OMA1: variants seen among roughly 807,000 people sequenced by gnomAD.
OMA1 encodes the protein OMA1 zinc metallopeptidase, also known as metalloendopeptidase OMA1, mitochondrial.
OMA1 carries 38 observed loss-of-function variants against 30.9 expected under a neutral mutation model. The observed-to-expected ratio is 1.23, with a 90% confidence interval of 0.95 to 1.61. The LOEUF is 1.61. Ranked by LOEUF, OMA1 falls within the 40% of genes most tolerant of loss-of-function variation. The pLI, the probability that OMA1 is intolerant of heterozygous loss-of-function variation, is 0.00. For missense variants in OMA1, 461 were observed against 349.2 expected, an observed-to-expected ratio of 1.32 and a Z score of -2.55; for synonymous variants, 173 against 121.9, an observed-to-expected ratio of 1.42 and a Z score of -2.76.
Position 58,538,786 on chromosome 1 carries a change from G to T in OMA1, c.500+9C>A. ...ATATAAAAGTTTTTATTCTAAAAAAGCATTTTACCTGCCTACAATGATTGC... is the reference window on the plus strand; with the variant it reads ...ATATAAAAGTTTTTATTCTAAAAAATCATTTTACCTGCCTACAATGATTGC... On this transcript the variant is annotated intron_variant, in intron 2 of 8. Coordinates refer to ENST00000371226, the MANE Select transcript of OMA1 (RefSeq NM_145243.5). 4.0e-6 allele frequency: 3 copies of T among 752,140 alleles called. No homozygotes were observed. The Middle Eastern group carries it at 7.3e-4, about 182-fold the overall frequency. 46.6% of individuals were successfully genotyped at this position (752,140 alleles called of 1,614,324 possible). A position where few individuals can be genotyped will look rare whatever the true frequency, so the allele number is the denominator to read the frequency against.
At position 58,512,934 on chromosome 1, in the gene OMA1, C is replaced by T. The variant is rs146323986; in HGVS notation, c.1216-6725G>A. On this transcript the variant is annotated intron_variant, in intron 7 of 8. Transcript: ENST00000371226. ...AAAAGAGAAAAAAAGTAACGATAGA[C>T]CAAAATAAAGGCATTTTTAAAATAA... 1.0e-3 allele frequency among the ~76,000 whole-genome samples: 155 copies of T among 152,178 alleles called. 4 individuals are homozygous for T. The East Asian group carries it at 0.029, about 28-fold the overall frequency.
intron 7 of OMA1, among the ~76,000 whole-genome samples, chr1:58,524,580 T>C (rs1042595744): frequency 6.6e-6 from 1 of 152,246 alleles, no homozygotes; most frequent in African/African-American, 2.4e-5. Flanking sequence ...TGCTTGCTGG[T>C]AGAGTTGCAG....
intron 8 of OMA1, among the ~76,000 whole-genome samples, chr1:58,482,165 G>A (rs951708412): frequency 1.3e-5 from 2 of 152,204 alleles, no homozygotes; most frequent in African/African-American, 4.8e-5. Context: ...CTGAGAAGGG[G>A]AGAGCTGCAT....
At chr1:58,511,185 G>T (rs957694707) in intron 7 of OMA1, among the ~76,000 whole-genome samples, 3 of 152,148 alleles carry the variant, frequency 2.0e-5, no homozygotes, top group Non-Finnish European at 4.4e-5. Flanking sequence ...TCTTGAAAAA[G>T]AGTAAGACTA....
Position 58,480,945 on chromosome 1 carries a change from T to G in OMA1, c.*20A>C, listed in dbSNP as rs750721469. ...GGACTGCAACATTCTTCATATATCT[T>G]GTGTCTCATAAATTTTAATTCAACT... On this transcript the variant is annotated 3_prime_UTR_variant, in exon 9 of 9. Coordinates refer to ENST00000371226, the MANE Select transcript of OMA1 (RefSeq NM_145243.5). 2 of 852,554 alleles carry G rather than the reference T, an allele frequency of 2.3e-6. No individual in the cohort carries two copies. Among genetic ancestry groups the G allele is most frequent in the Non-Finnish European group, 4.1e-6 (2 of 492,636 alleles). The allele number at this position is 852,554 out of a possible 1,614,324, so 52.8% of individuals were successfully genotyped here. A position where few individuals can be genotyped will look rare whatever the true frequency, so the allele number is the denominator to read the frequency against.
intron 8 of OMA1, among the ~76,000 whole-genome samples, chr1:58,497,816 C>T (rs1373132335): frequency 6.6e-6 from 1 of 152,124 alleles, no homozygotes; most frequent in African/African-American, 2.4e-5. Flanking sequence ...TACAACGTGG[C>T]GGCTTTCCCT....
At chr1:58,544,121 T>C (rs1646664955) in intron 1 of OMA1, among the ~76,000 whole-genome samples, 1 of 152,228 alleles carries the variant, frequency 6.6e-6, no homozygotes, top group African/African-American at 2.4e-5. Context: ...GGCCAAATGA[T>C]TCAAAACTTT....
intron 7 of OMA1, among the ~76,000 whole-genome samples, chr1:58,525,243 G>A (rs1022370743): frequency 4.6e-5 from 7 of 151,970 alleles, no homozygotes; most frequent in African/African-American, 1.7e-4. Context: ...TAAGCTACAT[G>A]GTTCACCTGT....
At chr1:58,517,553 T>A (rs2100442306) in intron 7 of OMA1, among the ~76,000 whole-genome samples, 1 of 152,336 alleles carries the variant, frequency 6.6e-6, no homozygotes, top group Middle Eastern at 3.4e-3. Flanking sequence ...TCAAGTTACA[T>A]CTCTGCTACA....
At chr1:58,524,315 C>T (rs1646316117) in intron 7 of OMA1, among the ~76,000 whole-genome samples, 1 of 152,220 alleles carries the variant, frequency 6.6e-6, no homozygotes, top group African/African-American at 2.4e-5. Flanking sequence ...TCTTGGTCAG[C>T]AGAAGCTGCT....
rs865997074 is a variant in OMA1 at position 58,518,287 on chromosome 1, A to G, written c.1215+8974T>C. On this transcript the variant is annotated intron_variant, in intron 7 of 8. Transcript: ENST00000371226. The stretch of plus-strand genomic sequence containing the variant: ...AGAGGAGAGAGGAGAGGAGAAGAGA[A>G]GAGAAGAGAAGAGAAGAGAAGAGAA... Among the ~76,000 whole-genome samples, 113 of 17,894 alleles carry G rather than the reference A, an allele frequency of 6.3e-3. 7 individuals carry two copies. The highest frequency in any genetic ancestry group is 7.6e-3 in the Non-Finnish European group (72 of 9,518). The allele number at this position is 17,894 out of a possible 152,430, so 11.7% of individuals were successfully genotyped here.
chr1:58,491,419 A>G (rs1645686831), intron 8 of OMA1, among the ~76,000 whole-genome samples: 1 of 152,324 alleles, frequency 6.6e-6, no homozygotes, highest in South Asian at 2.1e-4. Flanking sequence ...TAACAATATT[A>G]ACCTTAAATG....
intron 8 of OMA1, among the ~76,000 whole-genome samples, chr1:58,504,101 T>A (rs1645949586): frequency 6.6e-6 from 1 of 152,188 alleles, no homozygotes; most frequent in South Asian, 2.1e-4. Context: ...CACACAATAA[T>A]GCCAGTGATC....
chr1:58,487,818 C>A (rs566907214), intron 8 of OMA1, among the ~76,000 whole-genome samples: 9 of 152,114 alleles, frequency 5.9e-5, no homozygotes, highest in African/African-American at 2.2e-4. Flanking sequence ...TTAATTACTT[C>A]TGATTTTGAC....
chr1:58,541,364 A>T (rs1646611909), intron 1 of OMA1: 1 of 146,910 alleles, frequency 6.8e-6, no homozygotes, highest in African/African-American at 2.5e-5. Context: ...ACATACTCTG[A>T]TTACATCTCT....
At position 58,484,280 on chromosome 1, in the gene OMA1, T is replaced by C. The variant is rs1406116368; in HGVS notation, c.1366-3106A>G. ...ATTACCCTGCTATAAAAACTTTTCT[T>C]TAAAAAAATCTTTTCTCACCTCCAT... On this transcript the variant is annotated intron_variant, in intron 8 of 8. Coordinates refer to ENST00000371226, the MANE Select transcript of OMA1 (RefSeq NM_145243.5). Among the ~76,000 whole-genome samples the C allele has an allele frequency of 6.6e-5, 10 of 152,300 alleles. 1 individual carries two copies. Among genetic ancestry groups the C allele is most frequent in the African/African-American group, 2.4e-4 (10 of 41,576 alleles).
At chr1:58,502,981 C>G (rs1569904460) in intron 8 of OMA1, among the ~76,000 whole-genome samples, 1 of 152,138 alleles carries the variant, frequency 6.6e-6, no homozygotes, top group Non-Finnish European at 1.5e-5. Flanking sequence ...ATTTGTTTCT[C>G]TAGCCATTTT....
At chr1:58,489,892 G>A (rs1329966459) in intron 8 of OMA1, among the ~76,000 whole-genome samples, 4 of 152,220 alleles carry the variant, frequency 2.6e-5, no homozygotes, top group African/African-American at 9.6e-5. Flanking sequence ...CTGACTGTTA[G>A]AAGGAAAACT....
chr1:58,503,470 T>C (rs1049901703), intron 8 of OMA1, among the ~76,000 whole-genome samples: 1 of 152,080 alleles, frequency 6.6e-6, no homozygotes, highest in African/African-American at 2.4e-5. Flanking sequence ...ACAAATGAAA[T>C]CTAGTTAAGA....
Sources: gnomAD v4.1 joint callset for allele counts (sites outside exome capture counted in the v4.1 genomes callset) on GRCh38, gnomAD v4.1.1 for gene constraint, MANE v1.5 for transcripts, NCBI Gene and HGNC (gene_info 2026-07-23, HGNC 2026-07-21) for gene names.